Variants in AKAP6 observed in about 807,000 individuals in gnomAD.
AKAP6 encodes the protein A-kinase anchoring protein 6.
A neutral mutation model predicts 188.5 loss-of-function variants in AKAP6; 58 were observed. That is an observed-to-expected ratio of 0.31 (90% CI 0.25 to 0.38). AKAP6 has a LOEUF of 0.38. Among genes scored for constraint, AKAP6 ranks in the 10% least tolerant of loss-of-function variants. The pLI is 1.00. For synonymous variants in AKAP6, 989 were observed against 998.6 expected, an observed-to-expected ratio of 0.99 and a Z score of 0.18; for missense variants, 2,710 against 2,740.0, an observed-to-expected ratio of 0.99 and a Z score of 0.24.
chr14:32,835,500 C>T lies in AKAP6; in HGVS notation c.*5695C>T, dbSNP rs1014424534. 1 of 152,170 alleles carries T rather than the reference C, an allele frequency of 6.6e-6. No individual in the cohort carries two copies. The highest frequency in any genetic ancestry group is 6.5e-5 in the Admixed American group (1 of 15,280). 9.4% of individuals were successfully genotyped at this position (152,170 alleles called of 1,614,324 possible). A position where few individuals can be genotyped will look rare whatever the true frequency, so the allele number is the denominator to read the frequency against. ...AAATTGACACAAACTCACTTCCATG[C>T]ACCAGTAAACTGGAATCCTTTCTTT... On this transcript the variant is annotated 3_prime_UTR_variant, in exon 14 of 14. Transcript: ENST00000280979.
At chr14:32,650,723 G>A (rs144510041) in intron 7 of AKAP6, among the ~76,000 whole-genome samples, 1 of 152,100 alleles carries the variant, frequency 6.6e-6, no homozygotes, top group African/African-American at 2.4e-5. Flanking sequence ...ACTGGACCAG[G>A]GTTCCCCAAG....
chr14:32,678,978 G>A (rs999189895), intron 8 of AKAP6, among the ~76,000 whole-genome samples: 1 of 152,122 alleles, frequency 6.6e-6, no homozygotes, highest in Non-Finnish European at 1.5e-5. Context: ...TATGGTATGT[G>A]AAAGGACCCA....
At chr14:32,368,115 C>G (rs747463547) in intron 1 of AKAP6, among the ~76,000 whole-genome samples, 2 of 152,176 alleles carry the variant, frequency 1.3e-5, no homozygotes, top group Non-Finnish European at 2.9e-5. Context: ...CTCTCTCTCT[C>G]TCTCTCATCT....
intron 1 of AKAP6, among the ~76,000 whole-genome samples, chr14:32,391,647 G>A (rs544460271): frequency 6.6e-6 from 1 of 152,268 alleles, no homozygotes; most frequent in East Asian, 1.9e-4. Context: ...GAGCTCTCTT[G>A]AGATCTGGTT....
chr14:32,765,734 T>C (rs988250074), intron 11 of AKAP6, among the ~76,000 whole-genome samples: 5 of 151,834 alleles, frequency 3.3e-5, no homozygotes, highest in Non-Finnish European at 7.4e-5. Context: ...ACCTACAAGT[T>C]TGCATTGGTA....
intron 12 of AKAP6, among the ~76,000 whole-genome samples, chr14:32,784,233 T>C (rs939034911): frequency 1.3e-5 from 2 of 152,200 alleles, no homozygotes; most frequent in African/African-American, 4.8e-5. Flanking sequence ...CTGACACTTA[T>C]TTAAGCATTT....
At chr14:32,510,414 GTATATA>G (rs10557960) in intron 2 of AKAP6, among the ~76,000 whole-genome samples, 1 of 112,330 alleles carries the variant, frequency 8.9e-6, no homozygotes, top group Non-Finnish European at 1.8e-5. Context: ...GTATATATAT[GTATATA>G]TATACATATA....
intron 1 of AKAP6, among the ~76,000 whole-genome samples, chr14:32,411,138 C>T (rs978249304): frequency 2.0e-5 from 3 of 151,974 alleles, no homozygotes; most frequent in Non-Finnish European, 4.4e-5. Flanking sequence ...CTGGAGAGGT[C>T]GTGGCATCTA....
At chr14:32,536,717 CT>C (rs1479748370) in intron 3 of AKAP6, among the ~76,000 whole-genome samples, 2 of 152,152 alleles carry the variant, frequency 1.3e-5, no homozygotes, top group Non-Finnish European at 1.5e-5. Flanking sequence ...TGATGAATAA[CT>C]TAAGAATGGA....
At chr14:32,597,755 A>T (rs1885765176) in intron 5 of AKAP6, among the ~76,000 whole-genome samples, 1 of 152,170 alleles carries the variant, frequency 6.6e-6, no homozygotes, top group Non-Finnish European at 1.5e-5. Context: ...AGATGAAATG[A>T]TTCATCATTC....
chr14:32,687,352 T>C (rs1353403472), intron 8 of AKAP6, among the ~76,000 whole-genome samples: 1 of 151,988 alleles, frequency 6.6e-6, no homozygotes, highest in East Asian at 1.9e-4. Flanking sequence ...TCTTTCTGGT[T>C]TTCTGTTGAG....
At chr14:32,531,144 T>C (rs1882395911) in intron 2 of AKAP6, among the ~76,000 whole-genome samples, 1 of 152,236 alleles carries the variant, frequency 6.6e-6, no homozygotes, top group Non-Finnish European at 1.5e-5. Flanking sequence ...GGTGCTATTA[T>C]GCTATATGTG....
At position 32,611,641 on chromosome 14, in the gene AKAP6, G is replaced by T. The variant is rs148322504; in HGVS notation, c.2730+10849G>T. Among the ~76,000 whole-genome samples, 358 of 152,310 alleles carry T rather than the reference G, an allele frequency of 2.4e-3. 1 individual carries two copies. Among genetic ancestry groups the T allele is most frequent in the African/African-American group, 8.2e-3 (339 of 41,570 alleles). On this transcript the variant is annotated intron_variant, in intron 7 of 13. Transcript: ENST00000280979. Reference sequence around the variant, plus strand: ...TTGAGAGCCAGGATACCATATTAAAGTTGGGGATTAAGTGAGAATCTACAA... The same window carrying T: ...TTGAGAGCCAGGATACCATATTAAATTTGGGGATTAAGTGAGAATCTACAA...
chr14:32,398,780 T>TTCTCTCTCTCTCTC (rs55959454), intron 1 of AKAP6, among the ~76,000 whole-genome samples: 8 of 131,252 alleles, frequency 6.1e-5, no homozygotes, highest in African/African-American at 2.4e-4. Context: ...TTCTTTTCTT[T>TTCTCTCTCTCTCTC]TCTCTCTCTC....
At chr14:32,666,717 G>T (rs575270060) in intron 7 of AKAP6, among the ~76,000 whole-genome samples, 1 of 151,790 alleles carries the variant, frequency 6.6e-6, no homozygotes, top group South Asian at 2.1e-4. Context: ...TCATATATAA[G>T]ATTTTTTAAT....
intron 1 of AKAP6, among the ~76,000 whole-genome samples, chr14:32,391,696 T>C (rs1406610200): frequency 6.6e-6 from 1 of 152,186 alleles, no homozygotes; most frequent in African/African-American, 2.4e-5. Context: ...CCCCACTGCC[T>C]TGCTTCTGTT....
At chr14:32,684,117 C>A (rs1252275858) in intron 8 of AKAP6, among the ~76,000 whole-genome samples, 9 of 152,114 alleles carry the variant, frequency 5.9e-5, no homozygotes, top group Non-Finnish European at 1.0e-4. Context: ...TCTGAAGCAT[C>A]CAAGTAGAAA....
chr14:32,662,862 T>G (rs1888762116), intron 7 of AKAP6, among the ~76,000 whole-genome samples: 2 of 152,126 alleles, frequency 1.3e-5, no homozygotes, highest in South Asian at 4.1e-4. Context: ...GGTATCCTAA[T>G]TCTATTATTT....
intron 11 of AKAP6, among the ~76,000 whole-genome samples, chr14:32,759,505 C>A (rs143446939): frequency 4.6e-5 from 7 of 152,310 alleles, no homozygotes; most frequent in Non-Finnish European, 1.0e-4. Flanking sequence ...CAATGAGTGT[C>A]TGTTTAGTCA....
Sources: gnomAD v4.1 joint callset for allele counts (sites outside exome capture counted in the v4.1 genomes callset) on GRCh38, gnomAD v4.1.1 for gene constraint, MANE v1.5 for transcripts, NCBI Gene and HGNC (gene_info 2026-07-23, HGNC 2026-07-21) for gene names.